ASB15: variants seen among roughly 807,000 people sequenced by gnomAD.
ASB15 encodes the protein ankyrin repeat and SOCS box protein 15.
ASB15 carries 54 observed loss-of-function variants against 58.0 expected under a neutral mutation model. The observed-to-expected ratio is 0.93, with a 90% CI of 0.75 to 1.17. ASB15 has a LOEUF of 1.17. ASB15 is among the 50% of genes most tolerant of loss of function. The pLI is 0.00. For missense variants in ASB15, 680 were observed against 707.4 expected, an observed-to-expected ratio of 0.96 and a Z score of 0.44; for synonymous variants, 249 against 262.4, an observed-to-expected ratio of 0.95 and a Z score of 0.50.
At chr7:123,588,425 T>TA (rs201309386) in intron 1 of ASB15, among the ~76,000 whole-genome samples, 2,013 of 151,802 alleles carry the variant, frequency 0.013, 21 homozygotes, top group Middle Eastern at 0.031. Context: ...TTAGGCCAGC[T>TA]AAAGTTTCGT....
upstream of ASB15, among the ~76,000 whole-genome samples, chr7:123,601,561 C>T (rs573222426): frequency 1.1e-3 from 168 of 152,232 alleles, 2 homozygotes; most frequent in Middle Eastern, 3.4e-3. Flanking sequence ...TTAAATTGTG[C>T]GTTAATTCCA....
At chr7:123,606,040 A>G (rs571328023) in intron 2 of ASB15, among the ~76,000 whole-genome samples, 1 of 152,320 alleles carries the variant, frequency 6.6e-6, no homozygotes, top group South Asian at 2.1e-4. Context: ...TATTATTTTT[A>G]TTGTTACTAT....
In ASB15 at chr7:123,623,690, C is replaced by T. The variant is rs188243031; in HGVS notation, c.452-879C>T. On this transcript the variant is annotated intron_variant, in intron 7 of 11. Coordinates refer to ENST00000451215, the MANE Select transcript of ASB15 (RefSeq NM_001290258.2). ...ACCAGCCTGACCAACACGGTGAAAC[C>T]CTGTCTCTACTAAAAATACAAAAAT... is the stretch of plus-strand genomic sequence containing the variant. Among the ~76,000 whole-genome samples the T allele has an allele frequency of 1.6e-3, 241 of 151,796 alleles. 1 individual carries two copies. The highest frequency in any genetic ancestry group is 5.4e-3 in the African/African-American group (225 of 41,432).
rs187480861 is a variant in ASB15, at chr7:123,628,744, T to C, written c.870-120T>C. 9.7e-4 allele frequency: 621 copies of C among 638,376 alleles called. 2 individuals are homozygous for C. The highest frequency in any genetic ancestry group is 6.3e-3 in the Middle Eastern group (15 of 2,382). The allele number at this position is 638,376 out of a possible 1,614,324, so 39.5% of individuals were successfully genotyped here. On this transcript the variant is annotated intron_variant, in intron 9 of 11. Transcript: ENST00000451215. ...AAAGGTTAAATGTTTCAGTATAAAG[T>C]TATCTAGAGAAAATAAGGGAAACTA...
At chr7:123,595,515 G>A (rs569494495) in intron 1 of ASB15, among the ~76,000 whole-genome samples, 2 of 152,210 alleles carry the variant, frequency 1.3e-5, no homozygotes, top group East Asian at 1.9e-4. Flanking sequence ...ACCAACTATC[G>A]TCATGCTTAT....
intron 11 of ASB15, among the ~76,000 whole-genome samples, chr7:123,632,764 A>C (rs1053924705): frequency 2.9e-4 from 44 of 152,240 alleles, no homozygotes; most frequent in Non-Finnish European, 5.7e-4. Context: ...TCAAGGGAAC[A>C]TAAGAAATAC....
chr7:123,609,486 T>C (rs1175752716), intron 3 of ASB15, among the ~76,000 whole-genome samples: 1 of 152,188 alleles, frequency 6.6e-6, no homozygotes, highest in Non-Finnish European at 1.5e-5. Flanking sequence ...GTGTTATTTA[T>C]AGACACAGAG....
At chr7:123,578,291 C>T (rs1799124391) in intron 1 of ASB15, among the ~76,000 whole-genome samples, 1 of 150,644 alleles carries the variant, frequency 6.6e-6, no homozygotes, top group Non-Finnish European at 1.5e-5. Flanking sequence ...CCTCTTGGTC[C>T]CTCTTTCATT....
intron 1 of ASB15, among the ~76,000 whole-genome samples, chr7:123,588,515 A>T (rs1440763314): frequency 1.4e-5 from 2 of 147,204 alleles, no homozygotes; most frequent in East Asian, 2.0e-4. Flanking sequence ...TTTTGCTCTG[A>T]TTTTCCTTTC....
chr7:123,623,918 GGA>G (rs1801527155), intron 7 of ASB15, among the ~76,000 whole-genome samples: 1 of 73,276 alleles, frequency 1.4e-5, no homozygotes, highest in Non-Finnish European at 2.7e-5. Context: ...AAGGAAGGAA[GGA>G]AGAAAGAAAG....
At chr7:123,598,928 G>A (rs575795488), upstream of ASB15, 2 of 152,218 alleles carry the variant, frequency 1.3e-5, no homozygotes, top group South Asian at 4.1e-4. Context: ...GTTTTCAGTT[G>A]TTTGATTTTC....
At chr7:123,589,814 C>T (rs1047982968) in intron 1 of ASB15, among the ~76,000 whole-genome samples, 11 of 151,870 alleles carry the variant, frequency 7.2e-5, no homozygotes, top group African/African-American at 2.4e-4. Flanking sequence ...GCATGATATA[C>T]AATCATTCGG....
intron 7 of ASB15, among the ~76,000 whole-genome samples, chr7:123,624,144 A>G (rs1801607947): frequency 6.6e-6 from 1 of 152,148 alleles, no homozygotes; most frequent in African/African-American, 2.4e-5. Flanking sequence ...TAGGAGTGAT[A>G]TAATAATAAT....
chr7:123,597,286 G>A (rs1327022380), upstream of ASB15, among the ~76,000 whole-genome samples: 1 of 152,102 alleles, frequency 6.6e-6, no homozygotes, highest in African/African-American at 2.4e-5. Context: ...CTGATTGTCA[G>A]ATCAATCATG....
chr7:123,580,498 T>C (rs1168065412), intron 1 of ASB15, among the ~76,000 whole-genome samples: 1 of 152,054 alleles, frequency 6.6e-6, no homozygotes, highest in Non-Finnish European at 1.5e-5. Context: ...CCCCTAAGCC[T>C]TACTTCTTCC....
chr7:123,623,447 A>T (rs909981927), intron 7 of ASB15, among the ~76,000 whole-genome samples: 1 of 152,166 alleles, frequency 6.6e-6, no homozygotes, highest in Non-Finnish European at 1.5e-5. Context: ...GCAGAGAGGG[A>T]GAGGGACAAC....
intron 1 of ASB15, among the ~76,000 whole-genome samples, chr7:123,577,005 T>C (rs180855637): frequency 6.6e-6 from 1 of 152,300 alleles, no homozygotes; most frequent in African/African-American, 2.4e-5. Context: ...ACAAGAAGAC[T>C]TCCTGTTATC....
chr7:123,595,235 G>A (rs1442894525), intron 1 of ASB15, among the ~76,000 whole-genome samples: 1 of 152,202 alleles, frequency 6.6e-6, no homozygotes, highest in African/African-American at 2.4e-5. Context: ...TCATGTGCTT[G>A]TAATAAAACC....
chr7:123,623,927 AAAGAAAAGAAAG>A (rs1474069368), intron 7 of ASB15, among the ~76,000 whole-genome samples: 13 of 20,318 alleles, frequency 6.4e-4, no homozygotes, highest in South Asian at 6.1e-3. Flanking sequence ...AGGAAGAAAG[AAAGAAAAGAAAG>A]AAAGAAAGAA....
Sources: allele counts gnomAD v4.1 joint callset (sites outside exome capture counted in the v4.1 genomes callset), GRCh38; gene constraint gnomAD v4.1.1; transcripts MANE v1.5; gene names NCBI Gene and HGNC (gene_info 2026-07-23, HGNC 2026-07-21).